TRAP1: variants seen among roughly 807,000 people sequenced by gnomAD.
TRAP1 encodes the protein heat shock protein 75 kDa, mitochondrial.
In TRAP1, 102 loss-of-function variants were observed where a neutral mutation model predicts 89.1. That is an observed-to-expected ratio of 1.15 (90% CI 0.98 to 1.35). The LOEUF is 1.35. Ranked by LOEUF, TRAP1 falls within the 40% of genes most tolerant of loss-of-function variation. The probability of loss-of-function intolerance (pLI) is 0.00; values close to 1 mark genes in which losing one functional copy is unlikely to be tolerated. For synonymous variants in TRAP1, 508 were observed against 388.0 expected, an observed-to-expected ratio of 1.31 and a Z score of -3.64; for missense variants, 1,256 against 945.3, an observed-to-expected ratio of 1.33 and a Z score of -4.31.
At chr16:3,669,600 C>T (rs966064251) in intron 11 of TRAP1, among the ~76,000 whole-genome samples, 6 of 151,778 alleles carry the variant, frequency 4.0e-5, no homozygotes, top group African/African-American at 9.7e-5. Flanking sequence ...TTTGGGAGGC[C>T]GAGGCAGGCA....
chr16:3,702,822 C>G (rs914620046), intron 1 of TRAP1, among the ~76,000 whole-genome samples: 1 of 151,670 alleles, frequency 6.6e-6, no homozygotes, highest in Admixed American at 6.6e-5. Flanking sequence ...GTAGGCGGAT[C>G]ACCTGAGGTT....
At chr16:3,703,043 G>GAAA (rs36093237) in intron 1 of TRAP1, among the ~76,000 whole-genome samples, 6 of 43,498 alleles carry the variant, frequency 1.4e-4, no homozygotes, top group East Asian at 6.9e-4. Flanking sequence ...ACTCCGTCTT[G>GAAA]AAAAAAAAAA....
intron 11 of TRAP1, 34 bp from the exon 12 acceptor site, chr16:3,666,152 C>G: frequency 6.3e-7 from 1 of 1,593,380 alleles, no homozygotes; most frequent in Non-Finnish European, 8.5e-7. Context: ...TACATACAAG[C>G]AGCCTCTATG....
At chr16:3,660,169 A>G (rs1295199317) in intron 16 of TRAP1, 1 of 152,234 alleles carries the variant, frequency 6.6e-6, no homozygotes, top group African/African-American at 2.4e-5. Flanking sequence ...CTGCACAGCA[A>G]GTTCCCCCTT....
rs1452319155 is a variant in TRAP1, at chr16:3,658,157, AGCTCATTCAAGCG to A, written c.2074_2086del (p.Arg692CysfsTer?). 3.7e-5 allele frequency: 59 copies of A among 1,614,090 alleles called. No homozygotes were observed. The highest frequency in any genetic ancestry group is 4.9e-5 in the Non-Finnish European group (58 of 1,180,006). ...GTGTCGCTCCAGGGCCTTGACAAGCAGCTCATTCAAGCGGCCCACCATGGCCCTAGGGTCGTCA... is the reference window on the plus strand; with the variant it reads ...GTGTCGCTCCAGGGCCTTGACAAGCAGCCCACCATGGCCCTAGGGTCGTCA... On this transcript the variant is annotated frameshift_variant, in exon 18 of 18. Coordinates refer to ENST00000246957, the MANE Select transcript of TRAP1 (RefSeq NM_016292.3). LOFTEE classifies it high-confidence loss of function.
rs1172408138 is a variant in TRAP1 at position 3,664,136 on chromosome 16, C to G, written c.1569+138G>C. On this transcript the variant is annotated intron_variant, in intron 13 of 17. Transcript: ENST00000246957. ...GAAACAGCCGTCACAGTCGGTCCGG[C>G]CTCTGTGCCCGTGACCCTGACCCAC... 4.5e-6 allele frequency: 4 copies of G among 892,990 alleles called. No individual in the cohort carries two copies. In the African/African-American group the frequency reaches 6.9e-5, roughly 15 times the overall value. 55.3% of individuals were successfully genotyped at this position (892,990 alleles called of 1,614,324 possible).
intron 4 of TRAP1, among the ~76,000 whole-genome samples, chr16:3,682,923 C>T (rs1337773375): frequency 6.6e-6 from 1 of 152,002 alleles, no homozygotes; most frequent in Non-Finnish European, 1.5e-5. Context: ...AATCCCAGCA[C>T]TTTGGGAGGC....
Position 3,675,404 on chromosome 16 carries a change from G to A in TRAP1, c.815-7C>T, listed in dbSNP as rs376806496. 3.1e-5 allele frequency: 50 copies of A among 1,613,980 alleles called. No individual in the cohort carries two copies. The highest frequency in any genetic ancestry group is 1.8e-4 in the East Asian group (8 of 44,886). On this transcript the variant is annotated splice_region_variant and splice_polypyrimidine_tract_variant and intron_variant, in intron 7 of 17. Coordinates refer to ENST00000246957, the MANE Select transcript of TRAP1 (RefSeq NM_016292.3). ...CTGTACTTCGTTACCACATCTGGAA[G>A]GGACAAAAGAAAAACCACACTGCAT...
intron 1 of TRAP1, among the ~76,000 whole-genome samples, chr16:3,705,530 G>GT (rs1408010008): frequency 1.3e-5 from 2 of 152,264 alleles, no homozygotes; most frequent in East Asian, 1.9e-4. Flanking sequence ...ACAATATATG[G>GT]TTTTTTGTCT....
At position 3,662,884 on chromosome 16, in the gene TRAP1, T is replaced by A; in HGVS notation, c.1792A>T (p.Lys598Ter). The change falls in exon 15 of 18, where the codon AAG becomes TAG. Residue 598 changes from lysine to a stop codon, truncating the protein, a stop_gained and splice_region_variant. Coordinates refer to ENST00000246957, the MANE Select transcript of TRAP1 (RefSeq NM_016292.3). LOFTEE classifies it high-confidence loss of function. Reference sequence around the variant, plus strand: ...GTCCATCCCCGGGAAAGCCTCACCTTCACGTTGGTGACACGCGACCCCAGC... The same window carrying A: ...GTCCATCCCCGGGAAAGCCTCACCTACACGTTGGTGACACGCGACCCCAGC... ...NVLGSRVTNV[K>*]VTLRLDTHPA... is the part of the protein sequence containing the mutation. 2 of 1,613,576 alleles carry A rather than the reference T, an allele frequency of 1.2e-6. No homozygotes were observed. Among genetic ancestry groups the A allele is most frequent in the Non-Finnish European group, 1.7e-6 (2 of 1,179,946 alleles).
At chr16:3,672,986 C>A (rs1383775923) in intron 9 of TRAP1, among the ~76,000 whole-genome samples, 166 bp from the exon 10 acceptor site, 4 of 152,144 alleles carry the variant, frequency 2.6e-5, no homozygotes, top group African/African-American at 9.7e-5. Context: ...CGATGCCCCA[C>A]ACTGTGGCTC....
intron 8 of TRAP1, chr16:3,674,824 C>G: frequency 2.6e-6 from 1 of 389,062 alleles, no homozygotes; most frequent in South Asian, 2.9e-5. Flanking sequence ...GATGACGACC[C>G]ACGCTGCACC....
Position 3,675,397 on chromosome 16 carries a change from T to C in TRAP1, c.815A>G (p.Asp272Gly), listed in dbSNP as rs748914165. The C allele has an allele frequency of 2.9e-5, 47 of 1,613,878 alleles. No individual in the cohort carries two copies. The highest frequency in any genetic ancestry group is 3.6e-5 in the Non-Finnish European group (43 of 1,179,940). The change falls in exon 8 of 18, where the codon GAT (aspartate) becomes GGT (glycine). Residue 272 changes from aspartate to glycine, a missense_variant and splice_region_variant. By Grantham distance (94) the Asp-to-Gly change is moderately conservative (BLOSUM62 -1). Transcript: ENST00000246957. Reference protein sequence around the residue: ...KEFSSEARVRDVVTKYSNFVS... With the variant: ...KEFSSEARVRGVVTKYSNFVS... The stretch of plus-strand genomic sequence containing the variant: ...GAAGTTGCTGTACTTCGTTACCACA[T>C]CTGGAAGGGACAAAAGAAAAACCAC...
intron 4 of TRAP1, among the ~76,000 whole-genome samples, chr16:3,683,318 T>A (rs997390751): frequency 6.6e-6 from 1 of 151,824 alleles, no homozygotes; most frequent in African/African-American, 2.4e-5. Context: ...GAAACCTGAA[T>A]AGACTTGTGT....
intron 1 of TRAP1, among the ~76,000 whole-genome samples, chr16:3,717,139 G>A (rs1210663564): frequency 1.3e-5 from 2 of 152,222 alleles, no homozygotes; most frequent in Non-Finnish European, 2.9e-5. Flanking sequence ...CAGGAGGGAC[G>A]ACCCCGCAGC....
At chr16:3,694,911 C>T (rs79213162) in intron 1 of TRAP1, among the ~76,000 whole-genome samples, 1 of 152,168 alleles carries the variant, frequency 6.6e-6, no homozygotes, top group Non-Finnish European at 1.5e-5. Context: ...CAAGGTGCCA[C>T]TAGGGCTGGT....
chr16:3,690,885 G>C lies in TRAP1; in HGVS notation c.189C>G (p.Thr63=), dbSNP rs376485209. 3.3e-5 allele frequency: 53 copies of C among 1,586,938 alleles called. No homozygotes were observed. Among genetic ancestry groups the C allele is most frequent in the Non-Finnish European group, 4.5e-5 (52 of 1,166,850 alleles). The change falls in exon 2 of 18, where the codon ACC becomes ACG. Residue 63 remains threonine, a synonymous_variant. Coordinates refer to ENST00000246957, the MANE Select transcript of TRAP1 (RefSeq NM_016292.3). ...GCAGGGGTTCCTCCTTGTCCTCGGC[G>C]GTCTGCGTGCTGAACAGTCGTCCTG... ...LQAGRLFSTQ[T]AEDKEEPLHS...
At chr16:3,679,290 C>A (rs1324448014) in intron 5 of TRAP1, among the ~76,000 whole-genome samples, 2 of 151,710 alleles carry the variant, frequency 1.3e-5, no homozygotes, top group Non-Finnish European at 2.9e-5. Context: ...ATTCAACCAG[C>A]CAAGGATCGA....
chr16:3,664,624 G>T (rs987124844), intron 12 of TRAP1, 165 bp from the exon 13 acceptor site: 13 of 711,552 alleles, frequency 1.8e-5, no homozygotes, highest in Non-Finnish European at 2.7e-5. Flanking sequence ...AGCAGGCCTT[G>T]CTCTGCCCAT....
Sources: gnomAD v4.1 joint callset for allele counts (sites outside exome capture counted in the v4.1 genomes callset) on GRCh38, gnomAD v4.1.1 for gene constraint, MANE v1.5 for transcripts, NCBI Gene and HGNC (gene_info 2026-07-23, HGNC 2026-07-21) for gene names.